The following ATXN1 variants were observed in gnomAD, a reference collection of about 807,000 sequenced individuals.
ATXN1 encodes ataxin-1.
Under a neutral mutation model 56.4 loss-of-function variants are expected in ATXN1, and 8 were observed. The observed-to-expected ratio is 0.14, with a 90% CI of 0.08 to 0.26. The LOEUF is 0.26. Among genes scored for constraint, ATXN1 ranks in the 10% least tolerant of loss-of-function variants. The pLI is 1.00. For missense variants in ATXN1, 987 were observed against 1,106.5 expected (o/e 0.89, Z 1.53); for synonymous variants, 514 against 494.6 (o/e 1.04, Z -0.52).
At chr6:16,589,182 T>G (rs1192568061) in intron 3 of ATXN1, among the ~76,000 whole-genome samples, 1 of 152,052 alleles carries the variant, frequency 6.6e-6, no homozygotes, top group Non-Finnish European at 1.5e-5. Context: ...GGCCCTTTTC[T>G]CTCATTTTTC....
chr6:16,571,157 A>AG (rs541013146), intron 4 of ATXN1, among the ~76,000 whole-genome samples: 26 of 152,334 alleles, frequency 1.7e-4, no homozygotes, highest in Middle Eastern at 3.4e-3. Context: ...TGCTAAAAAA[A>AG]CAAGACAGCT....
intron 2 of ATXN1, among the ~76,000 whole-genome samples, chr6:16,672,264 A>G (rs1443259047): frequency 2.6e-5 from 4 of 152,326 alleles, no homozygotes; most frequent in African/African-American, 7.2e-5. Flanking sequence ...AACATCCTCC[A>G]AATGTTTTCT....
intron 3 of ATXN1, among the ~76,000 whole-genome samples, chr6:16,644,212 T>C (rs2113823910): frequency 6.6e-6 from 1 of 152,292 alleles, no homozygotes; most frequent in South Asian, 2.1e-4. Flanking sequence ...ATAATGCCAC[T>C]GAATTGTACA....
At chr6:16,703,534 G>A (rs1007092150) in intron 2 of ATXN1, among the ~76,000 whole-genome samples, 1 of 152,068 alleles carries the variant, frequency 6.6e-6, no homozygotes, top group Non-Finnish European at 1.5e-5. Flanking sequence ...TCTATGAAAA[G>A]TATTGCAACT....
intron 2 of ATXN1, among the ~76,000 whole-genome samples, chr6:16,679,855 A>C (rs1311138121): frequency 6.6e-6 from 1 of 152,244 alleles, no homozygotes; most frequent in Non-Finnish European, 1.5e-5. Flanking sequence ...TTTAACTTTA[A>C]TGAATATTAA....
intron 3 of ATXN1, among the ~76,000 whole-genome samples, chr6:16,637,857 A>G (rs1274022463): frequency 6.6e-6 from 1 of 152,234 alleles, no homozygotes; most frequent in Non-Finnish European, 1.5e-5. Context: ...GGACATGATC[A>G]CTATCAGTCA....
intron 4 of ATXN1, among the ~76,000 whole-genome samples, chr6:16,528,436 G>C (rs1193063260): frequency 6.6e-6 from 1 of 152,146 alleles, no homozygotes; most frequent in Non-Finnish European, 1.5e-5. Flanking sequence ...ATGCGGTTTA[G>C]ATTTTAACAT....
chr6:16,483,945 C>T (rs1054747623), intron 6 of ATXN1, among the ~76,000 whole-genome samples: 29 of 152,158 alleles, frequency 1.9e-4, no homozygotes, highest in Non-Finnish European at 3.4e-4. Flanking sequence ...TAACAGTTAC[C>T]TGATTGGGAA....
At chr6:16,581,438 TGCAG>T (rs1762529003) in intron 4 of ATXN1, among the ~76,000 whole-genome samples, 1 of 151,932 alleles carries the variant, frequency 6.6e-6, no homozygotes, top group Non-Finnish European at 1.5e-5. Flanking sequence ...AAGCTAAAAA[TGCAG>T]CCTTTACCAA....
chr6:16,310,709 G>A (rs1290913457), intron 7 of ATXN1, among the ~76,000 whole-genome samples: 4 of 152,050 alleles, frequency 2.6e-5, no homozygotes, highest in Non-Finnish European at 4.4e-5. Context: ...GGATGGTCTC[G>A]ATATCCTGAC....
Position 16,753,283 on chromosome 6 carries a change from T to C in ATXN1, c.-665A>G, listed in dbSNP as rs1210725922. ...GTGGCAGTGGAGGAGGAGATTGCTG[T>C]ACAAGGATGACAAACAAATCTGCAG... On this transcript the variant is annotated 5_prime_UTR_variant, in exon 2 of 8. Coordinates refer to ENST00000436367, the MANE Select transcript of ATXN1 (RefSeq NM_001128164.2). 2.2e-6 allele frequency: 1 copy of C among 456,666 alleles called. No homozygotes were observed. Among genetic ancestry groups the C allele is most frequent in the Non-Finnish European group, 4.4e-6 (1 of 227,006 alleles). The allele number at this position is 456,666 out of a possible 1,614,324, so 28.3% of individuals were successfully genotyped here.
At chr6:16,323,523 T>C (rs1176658182) in intron 7 of ATXN1, among the ~76,000 whole-genome samples, 4 of 62,536 alleles carry the variant, frequency 6.4e-5, no homozygotes, top group Admixed American at 5.7e-4. Context: ...AGACTCTGTC[T>C]CCAAAAAAAA....
At chr6:16,442,247 T>G (rs188523642) in intron 6 of ATXN1, among the ~76,000 whole-genome samples, 1 of 152,262 alleles carries the variant, frequency 6.6e-6, no homozygotes, top group Admixed American at 6.5e-5. Flanking sequence ...AACAACAATC[T>G]GTTATGAATA....
intron 6 of ATXN1, among the ~76,000 whole-genome samples, chr6:16,413,851 C>T (rs1241842094): frequency 1.3e-5 from 2 of 152,046 alleles, no homozygotes; most frequent in African/African-American, 4.8e-5. Flanking sequence ...AAGGATTCAG[C>T]TTAGGGGAAC....
intron 3 of ATXN1, among the ~76,000 whole-genome samples, chr6:16,616,493 T>G (rs539105027): frequency 1.4e-5 from 2 of 147,466 alleles, no homozygotes; most frequent in African/African-American, 5.1e-5. Context: ...GGAGCTGAGA[T>G]CATGCCACTG....
intron 2 of ATXN1, among the ~76,000 whole-genome samples, chr6:16,687,654 A>AC (rs1317303251): frequency 2.7e-5 from 3 of 109,732 alleles, no homozygotes; most frequent in African/African-American, 1.1e-4. Flanking sequence ...ATCAAAGAAG[A>AC]AATACACACA....
intron 2 of ATXN1, among the ~76,000 whole-genome samples, chr6:16,674,065 A>T (rs1174143541): frequency 1.3e-5 from 2 of 152,102 alleles, no homozygotes; most frequent in Non-Finnish European, 2.9e-5. Context: ...ATATATATAT[A>T]TTCTTACATT....
intron 6 of ATXN1, among the ~76,000 whole-genome samples, chr6:16,444,060 G>A (rs1171069337): frequency 3.3e-5 from 5 of 151,394 alleles, no homozygotes; most frequent in Non-Finnish European, 4.4e-5. Flanking sequence ...AGCTTGCAGT[G>A]AGCCGAGATT....
At chr6:16,473,903 A>T (rs1030154696) in intron 6 of ATXN1, among the ~76,000 whole-genome samples, 3 of 152,090 alleles carry the variant, frequency 2.0e-5, no homozygotes, top group African/African-American at 7.2e-5. Flanking sequence ...AACTTCCTGA[A>T]TTGTCTAGGC....
Sources: allele counts gnomAD v4.1 joint callset (sites outside exome capture counted in the v4.1 genomes callset), GRCh38; gene constraint gnomAD v4.1.1; transcripts MANE v1.5; gene names NCBI Gene and HGNC (gene_info 2026-07-23, HGNC 2026-07-21).